The following TMTC2 variants were observed in gnomAD, a reference collection of about 807,000 sequenced individuals.
TMTC2 encodes transmembrane O-mannosyltransferase targeting cadherins 2.
TMTC2 carries 43 observed loss-of-function variants against 82.4 expected under a neutral mutation model. The observed-to-expected ratio is 0.52, with a 90% CI of 0.41 to 0.67. TMTC2 has a LOEUF of 0.67. Among genes scored for constraint, TMTC2 ranks in the 30% least tolerant of loss-of-function variants. The pLI, the probability that TMTC2 is intolerant of heterozygous loss-of-function variation, is 0.00. For missense variants in TMTC2, 919 were observed against 1,012.4 expected (o/e 0.91, Z 1.25); for synonymous variants, 408 against 381.9 (o/e 1.07, Z -0.80).
chr12:82,808,462 C>T (rs1879340750), intron 1 of TMTC2, among the ~76,000 whole-genome samples: 1 of 151,962 alleles, frequency 6.6e-6, no homozygotes. Flanking sequence ...CTTATTTAAT[C>T]TTTAACCAGG....
chr12:82,865,786 A>G (rs2137127925), intron 2 of TMTC2, among the ~76,000 whole-genome samples: 1 of 152,326 alleles, frequency 6.6e-6, no homozygotes, highest in Non-Finnish European at 1.5e-5. Flanking sequence ...GCAAATGTAA[A>G]AGAACAGAAA....
At chr12:82,907,736 G>A (rs981938171) in intron 3 of TMTC2, among the ~76,000 whole-genome samples, 6 of 152,008 alleles carry the variant, frequency 3.9e-5, no homozygotes, top group African/African-American at 1.2e-4. Context: ...TATTTATCAC[G>A]GTTTATATGC....
In TMTC2 at chr12:82,687,570, G is replaced by A; in HGVS notation, c.-17G>A. Reference sequence around the variant, plus strand: ...CCCTCGCGCTGGGAGCCGAGCCGGAGGGAAGGCGGTGGAGAGATGATTGCA... The same window carrying A: ...CCCTCGCGCTGGGAGCCGAGCCGGAAGGAAGGCGGTGGAGAGATGATTGCA... On this transcript the variant is annotated 5_prime_UTR_variant, in exon 1 of 12. Coordinates refer to ENST00000321196, the MANE Select transcript of TMTC2 (RefSeq NM_152588.3). 2 of 1,590,342 alleles carry A rather than the reference G, an allele frequency of 1.3e-6. No homozygotes were observed. Among genetic ancestry groups the A allele is most frequent in the Non-Finnish European group, 8.5e-7 (1 of 1,170,020 alleles).
chr12:82,780,173 A>G (rs1447721742), intron 1 of TMTC2, among the ~76,000 whole-genome samples: 1 of 152,172 alleles, frequency 6.6e-6, no homozygotes, highest in African/African-American at 2.4e-5. Context: ...AAAGCACAGT[A>G]TAAGATTTTT....
At chr12:82,779,568 T>C (rs1877786652) in intron 1 of TMTC2, among the ~76,000 whole-genome samples, 1 of 152,134 alleles carries the variant, frequency 6.6e-6, no homozygotes, top group Non-Finnish European at 1.5e-5. Context: ...ATGGCATCTT[T>C]TCACAATTTA....
intron 1 of TMTC2, among the ~76,000 whole-genome samples, chr12:82,693,792 A>G (rs1872677083): frequency 6.6e-6 from 1 of 151,846 alleles, no homozygotes; most frequent in Admixed American, 6.6e-5. Context: ...ACGTGGTGAA[A>G]CCTCGTCTCT....
chr12:82,943,200 AGTTT>A (rs1314083443), intron 4 of TMTC2, among the ~76,000 whole-genome samples: 4 of 152,188 alleles, frequency 2.6e-5, no homozygotes, highest in Non-Finnish European at 5.9e-5. Context: ...GGGAATCACA[AGTTT>A]GTTTGACAAG....
At position 82,687,516 on chromosome 12, in the gene TMTC2, G is replaced by C; in HGVS notation, c.-71G>C. ...GAGAAGGCGGCGGAAGGTGGAGATT[G>C]ATGCTTCTGTTTTTTGTTGCCGCTG... On this transcript the variant is annotated 5_prime_UTR_variant, in exon 1 of 12. Coordinates refer to ENST00000321196, the MANE Select transcript of TMTC2 (RefSeq NM_152588.3). 6.9e-7 allele frequency: 1 copy of C among 1,444,384 alleles called. No homozygotes were observed. The highest frequency in any genetic ancestry group is 9.5e-7 in the Non-Finnish European group (1 of 1,047,524). 89.5% of individuals were successfully genotyped at this position (1,444,384 alleles called of 1,614,324 possible).
intron 11 of TMTC2, among the ~76,000 whole-genome samples, chr12:83,096,530 C>T (rs1478527726): frequency 2.6e-5 from 4 of 152,206 alleles, no homozygotes; most frequent in Non-Finnish European, 5.9e-5. Flanking sequence ...GGGGAGGCTT[C>T]ACAATCATGG....
intron 7 of TMTC2, among the ~76,000 whole-genome samples, chr12:82,983,251 C>T (rs1879007043): frequency 6.6e-6 from 1 of 151,918 alleles, no homozygotes; most frequent in South Asian, 2.1e-4. Flanking sequence ...ACATGAAGTT[C>T]TTCAAAGTTG....
At chr12:82,977,410 A>G (rs1809903439) in intron 7 of TMTC2, among the ~76,000 whole-genome samples, 1 of 151,906 alleles carries the variant, frequency 6.6e-6, no homozygotes, top group Admixed American at 6.6e-5. Context: ...GACCAATAGG[A>G]CAAAGTGGAG....
rs1252917146 is a variant in TMTC2 at position 83,132,995 on chromosome 12, G to A, written c.*606G>A. On this transcript the variant is annotated 3_prime_UTR_variant, in exon 12 of 12. Transcript: ENST00000321196. ...GCACATAATGTTTTATGATTTGGAT[G>A]TCAGAGGCTTCATTCTTTTGGACAT... 6.6e-6 allele frequency: 1 copy of A among 152,242 alleles called. No homozygotes were observed. The highest frequency in any genetic ancestry group is 2.4e-5 in the African/African-American group (1 of 41,434). 9.4% of individuals were successfully genotyped at this position (152,242 alleles called of 1,614,324 possible). A position where few individuals can be genotyped will look rare whatever the true frequency, so the allele number is the denominator to read the frequency against.
chr12:82,827,837 A>T (rs886330476), intron 1 of TMTC2, among the ~76,000 whole-genome samples: 1 of 151,268 alleles, frequency 6.6e-6, no homozygotes, highest in East Asian at 1.9e-4. Context: ...TGTTCGGACT[A>T]TGGATGCCTG....
At chr12:83,009,136 C>T (rs577366050) in intron 8 of TMTC2, among the ~76,000 whole-genome samples, 11 of 152,216 alleles carry the variant, frequency 7.2e-5, no homozygotes, top group African/African-American at 2.4e-4. Flanking sequence ...GTGTCTTTAC[C>T]CAAAGCTCTG....
intron 1 of TMTC2, among the ~76,000 whole-genome samples, chr12:82,703,291 G>C (rs1942516231): frequency 6.6e-6 from 1 of 152,042 alleles, no homozygotes; most frequent in South Asian, 2.1e-4. Context: ...ATTATGAGGG[G>C]AGAAGTTTAA....
chr12:82,712,429 C>A (rs1458541793), intron 1 of TMTC2, among the ~76,000 whole-genome samples: 57 of 71,642 alleles, frequency 8.0e-4, no homozygotes, highest in African/African-American at 1.7e-3. Flanking sequence ...AACTCCGTCT[C>A]AAAAAAAAAA....
At chr12:82,947,706 G>GT (rs1336062796) in intron 4 of TMTC2, among the ~76,000 whole-genome samples, 11 of 152,068 alleles carry the variant, frequency 7.2e-5, no homozygotes, top group Admixed American at 6.6e-4. Flanking sequence ...CTTACGCCCT[G>GT]TTTTTTTGTT....
intron 3 of TMTC2, among the ~76,000 whole-genome samples, chr12:82,917,883 G>A (rs780739186): frequency 6.7e-6 from 1 of 150,268 alleles, no homozygotes; most frequent in Non-Finnish European, 1.5e-5. Context: ...TTACAGGCGT[G>A]AGCCACTGCT....
chr12:82,965,494 G>A (rs966113728), intron 5 of TMTC2, 66 bp from the exon 6 acceptor site: 1 of 1,555,876 alleles, frequency 6.4e-7, no homozygotes, highest in Admixed American at 1.8e-5. Flanking sequence ...TTGAAACAAA[G>A]AAAACTTTAT....
Sources: gnomAD v4.1 joint callset for allele counts (sites outside exome capture counted in the v4.1 genomes callset) on GRCh38, gnomAD v4.1.1 for gene constraint, MANE v1.5 for transcripts, NCBI Gene and HGNC (gene_info 2026-07-23, HGNC 2026-07-21) for gene names.